ERMARD: variants seen among roughly 807,000 people sequenced by gnomAD.
The protein encoded by ERMARD is ER membrane associated RNA degradation.
ERMARD carries 71 observed loss-of-function variants against 83.9 expected under a neutral mutation model. That is an observed-to-expected ratio of 0.85 (90% CI 0.70 to 1.03). ERMARD has a LOEUF of 1.03. ERMARD is among the 50% of genes least tolerant of loss of function. ERMARD has a pLI of 0.00. For synonymous variants in ERMARD, 284 were observed against 298.6 expected, an observed-to-expected ratio of 0.95 and a Z score of 0.50; for missense variants, 838 against 810.9, an observed-to-expected ratio of 1.03 and a Z score of -0.41.
At chr6:169,755,144 A>G (rs1222259958) in intron 2 of ERMARD, 139 bp from the exon 3 acceptor site, 5 of 956,970 alleles carry the variant, frequency 5.2e-6, no homozygotes, top group African/African-American at 1.6e-5. Flanking sequence ...ATAAAAGTAT[A>G]TCATATGTTC....
intron 9 of ERMARD, among the ~76,000 whole-genome samples, chr6:169,762,963 T>A (rs1791740789): frequency 6.6e-6 from 1 of 152,176 alleles, no homozygotes; most frequent in Non-Finnish European, 1.5e-5. Context: ...CTTGGTGTGG[T>A]GCCAGCCCTG....
Position 169,776,448 on chromosome 6 carries a change from T to C in ERMARD, c.1521-7T>C. 1 of 1,612,326 alleles carries C rather than the reference T, an allele frequency of 6.2e-7. No homozygotes were observed. On this transcript the variant is annotated splice_region_variant and splice_polypyrimidine_tract_variant and intron_variant, in intron 15 of 17. Transcript: ENST00000366773. Reference sequence around the variant, plus strand: ...GATGCCTGCTCCAAGTCTGGCTCTGTTTGCAGGTGGCCCCAGCTTCTCCGT... The same window carrying C: ...GATGCCTGCTCCAAGTCTGGCTCTGCTTGCAGGTGGCCCCAGCTTCTCCGT...
intron 1 of ERMARD, among the ~76,000 whole-genome samples, chr6:169,752,142 G>GC: frequency 6.6e-6 from 1 of 152,350 alleles, no homozygotes; most frequent in South Asian, 2.1e-4. Flanking sequence ...GATCGCTTTA[G>GC]CCCAGGAGGT....
At position 169,776,469 on chromosome 6, in the gene ERMARD, T is replaced by G; in HGVS notation, c.1535T>G (p.Leu512Arg). The G allele has an allele frequency of 3.1e-6, 5 of 1,613,804 alleles. No homozygotes were observed. The highest frequency in any genetic ancestry group is 1.7e-5 in the Admixed American group (1 of 59,974). ...RLPTETWPQL[L>R]RELCSTPVPT... ...TCTGTTTGCAGGTGGCCCCAGCTTC[T>G]CCGTGAGCTCTGCAGCACACCTGTT... Residue 512 changes from leucine to arginine, a missense_variant, in exon 16 of 18, where the codon CTC (leucine) becomes CGC (arginine). Coordinates refer to ENST00000366773, the MANE Select transcript of ERMARD (RefSeq NM_018341.3).
chr6:169,772,561 T>A (rs770308768), intron 12 of ERMARD, among the ~76,000 whole-genome samples: 2 of 151,598 alleles, frequency 1.3e-5, no homozygotes, highest in Non-Finnish European at 2.9e-5. Context: ...AGGTCAGGAG[T>A]TCGAGACCAG....
At position 169,755,299 on chromosome 6, in the gene ERMARD, C is replaced by T. The variant is rs566808113; in HGVS notation, c.192C>T (p.Tyr64=). The T allele has an allele frequency of 1.6e-4, 265 of 1,613,880 alleles. 7 individuals carry two copies. The South Asian group carries it at 2.7e-3, about 16-fold the overall frequency. Reference sequence around the variant, plus strand: ...TCCTTTAAGAGCAGGGTCTGGATTACTGGGGAAGCGTGAGGCTGCTGGGCC... The same window carrying T: ...TCCTTTAAGAGCAGGGTCTGGATTATTGGGGAAGCGTGAGGCTGCTGGGCC... ...SYTESEQGLD[Y]WGSVRLLGPV... The change falls in exon 3 of 18, where the codon TAC becomes TAT. Residue 64 remains tyrosine, a synonymous_variant. Coordinates refer to ENST00000366773, the MANE Select transcript of ERMARD (RefSeq NM_018341.3).
Position 169,775,279 on chromosome 6 carries a change from T to A in ERMARD, c.1327T>A (p.Cys443Ser), listed in dbSNP as rs778233621. ...VFQLKKQVLS[C>S]EESIRVWALL... ...AAACATTTCCTCCCAGGTGCTGAGC[T>A]GTGAGGAGAGCATCAGGGTTTGGGC... Residue 443 changes from cysteine (C) to serine (S), a missense_variant, in exon 14 of 18, where the codon TGT becomes AGT. Transcript: ENST00000366773. 2.5e-6 allele frequency: 4 copies of A among 1,614,248 alleles called. No individual in the cohort carries two copies. The highest frequency in any genetic ancestry group is 3.3e-5 in the Admixed American group (2 of 60,030).
chr6:169,765,079 G>T (rs1792036839), intron 9 of ERMARD, among the ~76,000 whole-genome samples: 1 of 152,230 alleles, frequency 6.6e-6, no homozygotes, highest in East Asian at 1.9e-4. Context: ...GAAGCTTCAG[G>T]AAAGAGCTGG....
In ERMARD at chr6:169,759,987, T is replaced by C. The variant is rs962738590; in HGVS notation, c.742+13T>C. On this transcript the variant is annotated intron_variant, in intron 7 of 17. Transcript: ENST00000366773. Reference sequence around the variant, plus strand: ...ATTGTTTTTCCTGGTAAGTACTATGTTTCACATTTTTCCTTATAGCTTTGC... The same window carrying C: ...ATTGTTTTTCCTGGTAAGTACTATGCTTCACATTTTTCCTTATAGCTTTGC... 3.1e-6 allele frequency: 5 copies of C among 1,613,978 alleles called. No individual in the cohort carries two copies. The highest frequency in any genetic ancestry group is 1.3e-5 in the African/African-American group (1 of 74,922).
chr6:169,773,360 C>T lies in ERMARD; in HGVS notation c.1275C>T (p.Gly425=). The T allele has an allele frequency of 1.2e-6, 2 of 1,614,120 alleles. No individual in the cohort carries two copies. The highest frequency in any genetic ancestry group is 8.5e-7 in the Non-Finnish European group (1 of 1,180,016). Reference sequence around the variant, plus strand: ...AATTGTTGATTAGTCTTGCAGAAGGCTATAGTTCTCGCTGTCATCCGGTTT... The same window carrying T: ...AATTGTTGATTAGTCTTGCAGAAGGTTATAGTTCTCGCTGTCATCCGGTTT... ...AVELLISLAE[G]YSSRCHPVFQ... is the part of the protein sequence containing the mutation. The change falls in exon 13 of 18, where the codon GGC becomes GGT. Residue 425 remains glycine, a synonymous_variant. Transcript: ENST00000366773.
At position 169,759,886 on chromosome 6, in the gene ERMARD, G is replaced by A. The variant is rs775664925; in HGVS notation, c.654G>A (p.Leu218=). The part of the protein sequence containing the change: ...ILLTAGLGQL[L]KSYLQNTKLT... ...TGACGGCAGGATTGGGTCAGTTACT[G>A]AAGAGTTACCTTCAAAACACTAAAC... The change falls in exon 7 of 18, where the codon CTG becomes CTA. Residue 218 remains leucine (L), a synonymous_variant. Coordinates refer to ENST00000366773, the MANE Select transcript of ERMARD (RefSeq NM_018341.3). 10 of 1,614,076 alleles carry A rather than the reference G, an allele frequency of 6.2e-6. No individual in the cohort carries two copies. The South Asian group carries it at 7.7e-5, about 12-fold the overall frequency.
At position 169,773,330 on chromosome 6, in the gene ERMARD, C is replaced by T. The variant is rs375363487; in HGVS notation, c.1245C>T (p.Ala415=). The T allele has an allele frequency of 3.0e-5, 48 of 1,613,794 alleles. No individual in the cohort carries two copies. The highest frequency in any genetic ancestry group is 5.0e-5 in the Admixed American group (3 of 59,974). Residue 415 remains alanine, a synonymous_variant, in exon 13 of 18, where the codon GCC becomes GCT. Coordinates refer to ENST00000366773, the MANE Select transcript of ERMARD (RefSeq NM_018341.3). ...TTTCTCTGCACTAGGAAAAATCAGC[C>T]GTAGAATTGTTGATTAGTCTTGCAG... The part of the protein sequence containing the change: ...CLLSVFKEKS[A]VELLISLAEG...
chr6:169,759,173 T>C, intron 6 of ERMARD, 108 bp downstream of exon 6: 1 of 960,516 alleles, frequency 1.0e-6, no homozygotes, highest in Non-Finnish European at 1.6e-6. Context: ...ATAAGTGAGT[T>C]TTGAGATAGG....
At chr6:169,758,084 C>T (rs1204370076) in intron 5 of ERMARD, among the ~76,000 whole-genome samples, 3 of 152,212 alleles carry the variant, frequency 2.0e-5, no homozygotes, top group African/African-American at 7.2e-5. Context: ...TTAAATGTTC[C>T]AACATTCAGT....
rs1464284190 is a variant in ERMARD at position 169,779,337 on chromosome 6, G to A, written c.1853+42G>A. 6 of 1,559,500 alleles carry A rather than the reference G, an allele frequency of 3.8e-6. No homozygotes were observed. The East Asian group carries it at 1.3e-4, about 35-fold the overall frequency. On this transcript the variant is annotated intron_variant, in intron 17 of 17. Coordinates refer to ENST00000366773, the MANE Select transcript of ERMARD (RefSeq NM_018341.3). ...ATGTCTGCAGTCACATTGCATCGTGGGGCAGATTGCGGGTGAGCCTGTAGG... is the reference window on the plus strand; with the variant it reads ...ATGTCTGCAGTCACATTGCATCGTGAGGCAGATTGCGGGTGAGCCTGTAGG...
At chr6:169,768,264 G>A (rs1322678230) in intron 11 of ERMARD, 93 bp downstream of exon 11, 38 of 1,193,834 alleles carry the variant, frequency 3.2e-5, no homozygotes, top group Non-Finnish European at 4.6e-5. Flanking sequence ...CTTGTGGTTT[G>A]CTCAAGAAAA....
upstream of ERMARD, chr6:169,751,534 G>A (rs887469304): frequency 1.9e-6 from 3 of 1,610,572 alleles, no homozygotes; most frequent in Non-Finnish European, 2.5e-6. Context: ...GTCCCGCGAG[G>A]GCGGAAGTCT....
chr6:169,776,390 G>T, intron 15 of ERMARD, 65 bp from the exon 16 acceptor site: 2 of 1,571,626 alleles, frequency 1.3e-6, no homozygotes, highest in Non-Finnish European at 8.6e-7. Context: ...CCTTGCAGGT[G>T]CAGAAGGAGA....
chr6:169,756,540 A>C, intron 4 of ERMARD, 101 bp downstream of exon 4: 1 of 1,030,160 alleles, frequency 9.7e-7, no homozygotes, highest in South Asian at 1.6e-5. Flanking sequence ...TTTTCCTATA[A>C]GATAAAATCA....
Sources: allele counts gnomAD v4.1 joint callset (sites outside exome capture counted in the v4.1 genomes callset), GRCh38; gene constraint gnomAD v4.1.1; transcripts MANE v1.5; gene names NCBI Gene and HGNC (gene_info 2026-07-23, HGNC 2026-07-21).